Variants in PRDM2 observed in about 807,000 individuals in gnomAD.
The protein encoded by PRDM2 is PR domain zinc finger protein 2.
PRDM2 carries 30 observed loss-of-function variants against 130.0 expected under a neutral mutation model. That is an observed-to-expected ratio of 0.23 (90% confidence interval 0.17 to 0.31). The LOEUF is 0.31. PRDM2 is among the 10% of genes least tolerant of loss of function. PRDM2 has a pLI of 1.00. For missense variants in PRDM2, 2,011 were observed against 2,108.4 expected (o/e 0.95, Z 0.90); for synonymous variants, 871 against 782.4 (o/e 1.11, Z -1.89).
chr1:13,756,295 A>T (rs1569886326), intron 6 of PRDM2, among the ~76,000 whole-genome samples: 1 of 150,500 alleles, frequency 6.6e-6, no homozygotes, highest in Admixed American at 6.6e-5. Flanking sequence ...GAGGGCTTGG[A>T]TAAATATCCC....
At chr1:13,808,524 G>C (rs1645121909) in intron 8 of PRDM2, among the ~76,000 whole-genome samples, 1 of 151,148 alleles carries the variant, frequency 6.6e-6, no homozygotes, top group African/African-American at 2.4e-5. Context: ...TTGATGTCTA[G>C]GATTGAGGAC....
intron 4 of PRDM2, among the ~76,000 whole-genome samples, chr1:13,740,188 C>T (rs962653174): frequency 6.6e-6 from 1 of 152,140 alleles, no homozygotes; most frequent in Non-Finnish European, 1.5e-5. Context: ...ACCTGAGAGC[C>T]AGGAAGTTGT....
At chr1:13,748,823 C>A (rs1460591500) in intron 5 of PRDM2, among the ~76,000 whole-genome samples, 1 of 152,126 alleles carries the variant, frequency 6.6e-6, no homozygotes, top group East Asian at 1.9e-4. Flanking sequence ...AGGTTGGTGG[C>A]CCCGGGCGGC....
At chr1:13,749,630 TC>T in intron 6 of PRDM2, 143 bp downstream of exon 6, 1 of 362,752 alleles carries the variant, frequency 2.8e-6, no homozygotes, top group Non-Finnish European at 3.8e-6. Flanking sequence ...GGTGACCTTT[TC>T]CGGACTCGGC....
At position 13,823,690 on chromosome 1, in the gene PRDM2, C is replaced by G. The variant is rs897483923; in HGVS notation, c.*555C>G. The G allele has an allele frequency of 6.5e-6, 1 of 154,548 alleles. No homozygotes were observed. The highest frequency in any genetic ancestry group is 2.4e-5 in the African/African-American group (1 of 41,492). 9.6% of individuals were successfully genotyped at this position (154,548 alleles called of 1,614,324 possible). ...CACGTTGGAGCCGAGCCTGAACATG[C>G]CCCTCGGCCCCAGCACATGGAAAAC... On this transcript the variant is annotated 3_prime_UTR_variant, in exon 10 of 10. Coordinates refer to ENST00000311066, the MANE Select transcript of PRDM2 (RefSeq NM_001393986.1).
intron 9 of PRDM2, among the ~76,000 whole-genome samples, chr1:13,818,449 A>G (rs2495068): frequency 0.86 from 125,493 of 146,028 alleles, 54,098 homozygotes; most frequent in African/African-American, 0.94. Context: ...CGCGATCTTG[A>G]CTCACTGCAT....
At chr1:13,747,243 ATTGGT>A (rs1042098230) in intron 5 of PRDM2, among the ~76,000 whole-genome samples, 4 of 152,188 alleles carry the variant, frequency 2.6e-5, no homozygotes, top group Non-Finnish European at 5.9e-5. Flanking sequence ...TCTTTTTTGC[ATTGGT>A]TTGAAGACTT....
At position 13,796,903 on chromosome 1, in the gene PRDM2, C is replaced by T. The variant is rs771801516; in HGVS notation, c.5036+14072C>T. 4.6e-5 allele frequency among the ~76,000 whole-genome samples: 7 copies of T among 152,186 alleles called. 1 individual carries two copies. The South Asian group carries it at 1.0e-3, about 23-fold the overall frequency. On this transcript the variant is annotated intron_variant, in intron 8 of 9. Transcript: ENST00000311066. Reference sequence around the variant, plus strand: ...TTTTTTCTTTTAAGCTCCCAAAACACGAGTTAAAGAAATGATTTGTGGAGG... The same window carrying T: ...TTTTTTCTTTTAAGCTCCCAAAACATGAGTTAAAGAAATGATTTGTGGAGG...
At chr1:13,736,811 G>A (rs890010360) in intron 4 of PRDM2, among the ~76,000 whole-genome samples, 3 of 151,778 alleles carry the variant, frequency 2.0e-5, no homozygotes, top group African/African-American at 4.8e-5. Context: ...TTTTTGTAGA[G>A]GAAAACCAGT....
In PRDM2 at chr1:13,780,587, C is replaced by G; in HGVS notation, c.2792C>G (p.Ser931Cys). ...AQPDPDLGPG[S>C]GFPAPTVEST... ...CCAGATCCTGACCTCGGTCCGGGCT[C>G]TGGTTTCCCTGCCCCTACTGTTGAG... The change falls in exon 8 of 10, where the codon TCT (serine) becomes TGT (cysteine). Residue 931 changes from serine to cysteine, a missense_variant. Physicochemically the swap from Ser to Cys is moderately radical, Grantham distance 112. This residue lies in a region of PRDM2 where 1,288 missense variants were observed against 1,237.7 expected (regional missense o/e 1.04). Coordinates refer to ENST00000311066, the MANE Select transcript of PRDM2 (RefSeq NM_001393986.1). The G allele has an allele frequency of 6.2e-7, 1 of 1,614,166 alleles. No individual in the cohort carries two copies. Among genetic ancestry groups the G allele is most frequent in the Non-Finnish European group, 8.5e-7 (1 of 1,180,034 alleles).
chr1:13,747,769 C>CAAAAAAA (rs78988090), intron 5 of PRDM2, among the ~76,000 whole-genome samples: 11 of 48,352 alleles, frequency 2.3e-4, no homozygotes, highest in East Asian at 6.1e-4. Context: ...TCCCTCCCCG[C>CAAAAAAA]AAAAAAAAAA....
chr1:13,766,448 G>C (rs546046688), intron 6 of PRDM2, among the ~76,000 whole-genome samples: 3 of 152,318 alleles, frequency 2.0e-5, no homozygotes, highest in African/African-American at 7.2e-5. Context: ...TTGTAATTAT[G>C]GTATTAGTGA....
intron 8 of PRDM2, chr1:13,783,177 C>CT: frequency 1.9e-6 from 1 of 532,662 alleles, no homozygotes; most frequent in Non-Finnish European, 3.7e-6. Context: ...TGTCATGTGT[C>CT]TTATTTTCCG....
chr1:13,822,454 G>A (rs560458815), intron 9 of PRDM2, among the ~76,000 whole-genome samples: 1 of 149,888 alleles, frequency 6.7e-6, no homozygotes, highest in Admixed American at 6.6e-5. Context: ...GGAGTGCAGT[G>A]GCGCGATCTG....
chr1:13,728,055 A>G (rs1000005767), intron 2 of PRDM2, among the ~76,000 whole-genome samples: 1 of 152,188 alleles, frequency 6.6e-6, no homozygotes, highest in East Asian at 1.9e-4. Context: ...AAGAATACCT[A>G]CCTCAATTTC....
rs116699967 is a variant in PRDM2, at chr1:13,741,864, C to T, written c.232-141C>T. ...CACCTTGTATTTTTCTTTTCTCTGT[C>T]GCTTGTTTTGTTTTTATGAAATGCT... On this transcript the variant is annotated intron_variant, in intron 4 of 9. Coordinates refer to ENST00000311066, the MANE Select transcript of PRDM2 (RefSeq NM_001393986.1). The T allele has an allele frequency of 1.3e-3, 817 of 642,854 alleles. 5 individuals carry two copies. The African/African-American group carries it at 0.014, about 11-fold the overall frequency. The allele number at this position is 642,854 out of a possible 1,614,324, so 39.8% of individuals were successfully genotyped here.
At chr1:13,744,142 C>T (rs1213325405) in intron 5 of PRDM2, among the ~76,000 whole-genome samples, 1 of 152,166 alleles carries the variant, frequency 6.6e-6, no homozygotes. Context: ...CATTGTACTT[C>T]AAGTTAAAAT....
At chr1:13,719,440 C>A (rs1460785550) in intron 2 of PRDM2, among the ~76,000 whole-genome samples, 1 of 152,070 alleles carries the variant, frequency 6.6e-6, no homozygotes, top group Non-Finnish European at 1.5e-5. Context: ...TTTAGGGCTA[C>A]GGGACAGTGA....
At chr1:13,794,874 C>G (rs1448234074) in intron 8 of PRDM2, among the ~76,000 whole-genome samples, 1 of 152,216 alleles carries the variant, frequency 6.6e-6, no homozygotes, top group Non-Finnish European at 1.5e-5. Context: ...CTCAAGTGGC[C>G]TGTAACTCCT....
Sources: allele counts gnomAD v4.1 joint callset (sites outside exome capture counted in the v4.1 genomes callset), GRCh38; gene constraint gnomAD v4.1.1; regional missense constraint gnomAD v4.1.1; transcripts MANE v1.5; gene names NCBI Gene and HGNC (gene_info 2026-07-23, HGNC 2026-07-21).